The following KBTBD12 variants were observed in gnomAD, a reference collection of about 807,000 sequenced individuals.
The protein encoded by KBTBD12 is kelch repeat and BTB domain containing 12.
A neutral mutation model predicts 58.7 loss-of-function variants in KBTBD12; 53 were observed. That is an observed-to-expected ratio of 0.90 (90% CI 0.72 to 1.14). The LOEUF is 1.14. Among genes scored for constraint, KBTBD12 ranks in the 50% most tolerant of loss-of-function variants. The probability of loss-of-function intolerance (pLI) is 0.00; values close to 1 mark genes in which losing one functional copy is unlikely to be tolerated. For missense variants in KBTBD12, 704 were observed against 751.3 expected (o/e 0.94, Z 0.74); for synonymous variants, 236 against 259.8 (o/e 0.91, Z 0.88).
chr3:127,965,585 TTTAA>T (rs1231365136), intron 5 of KBTBD12, among the ~76,000 whole-genome samples: 2 of 152,256 alleles, frequency 1.3e-5, no homozygotes, highest in Non-Finnish European at 2.9e-5. Flanking sequence ...AGTAATCTCT[TTTAA>T]TATACTTAAT....
At chr3:127,961,861 G>A (rs1221744883) in intron 4 of KBTBD12, among the ~76,000 whole-genome samples, 1 of 152,088 alleles carries the variant, frequency 6.6e-6, no homozygotes, top group Non-Finnish European at 1.5e-5. Context: ...ATAGGCAAAG[G>A]GTATAAAATG....
At chr3:127,973,693 T>C (rs180968120) in intron 5 of KBTBD12, among the ~76,000 whole-genome samples, 71 of 152,184 alleles carry the variant, frequency 4.7e-4, no homozygotes, top group Admixed American at 1.4e-3. Context: ...TAAGGCAAAA[T>C]GCTAACTATT....
At position 127,923,518 on chromosome 3, in the gene KBTBD12, A is replaced by G. The variant is rs1344200343; in HGVS notation, c.457A>G (p.Lys153Glu). 1 of 1,611,858 alleles carries G rather than the reference A, an allele frequency of 6.2e-7. No individual in the cohort carries two copies. The highest frequency in any genetic ancestry group is 1.1e-5 in the South Asian group (1 of 90,888). ...IGAEDLSDRS[K>E]KYLYQHFAEV... The stretch of plus-strand genomic sequence containing the variant: ...AGCTGAAGATTTATCTGATCGATCA[A>G]AGAAATATTTATATCAGCACTTTGC... Residue 153 changes from lysine (K) to glutamate (E), a missense_variant, in exon 2 of 6, where the codon AAG (lysine) becomes GAG (glutamate). Coordinates refer to ENST00000405109, the MANE Select transcript of KBTBD12 (RefSeq NM_207335.4).
chr3:127,957,077 A>C (rs981371073), intron 4 of KBTBD12, among the ~76,000 whole-genome samples: 1 of 152,202 alleles, frequency 6.6e-6, no homozygotes, highest in Non-Finnish European at 1.5e-5. Flanking sequence ...AAAAACTGTC[A>C]TTTGGAGTAA....
At chr3:127,945,162 A>C (rs1291755117) in intron 4 of KBTBD12, among the ~76,000 whole-genome samples, 1 of 23,786 alleles carries the variant, frequency 4.2e-5, no homozygotes, top group Admixed American at 5.1e-4. Context: ...AATAGTAGCT[A>C]TCTTTTTTTT....
chr3:127,916,927 T>C (rs1209044311), intron 1 of KBTBD12, among the ~76,000 whole-genome samples: 1 of 152,176 alleles, frequency 6.6e-6, no homozygotes, highest in African/African-American at 2.4e-5. Context: ...AACAAGAGGA[T>C]AGCAACTTGA....
At chr3:127,932,937 T>C (rs1435211213) in intron 4 of KBTBD12, among the ~76,000 whole-genome samples, 1 of 152,148 alleles carries the variant, frequency 6.6e-6, no homozygotes, top group East Asian at 1.9e-4. Context: ...ATATCGAGAC[T>C]CATCCTCTGA....
In KBTBD12 at chr3:127,950,830, G is replaced by A. The variant is rs183414032; in HGVS notation, c.1493-12359G>A. On this transcript the variant is annotated intron_variant, in intron 4 of 5. Transcript: ENST00000405109. ...GTGGATCACCTGAGGTCAGGAGTTC[G>A]AGACCAGCCTGGCCAGCATGGTGAA... Among the ~76,000 whole-genome samples, 469 of 152,208 alleles carry A rather than the reference G, an allele frequency of 3.1e-3. 4 individuals are homozygous for A. Among genetic ancestry groups the A allele is most frequent in the African/African-American group, 0.011 (443 of 41,542 alleles).
chr3:127,916,613 A>G (rs1429685788), intron 1 of KBTBD12, among the ~76,000 whole-genome samples: 2 of 151,450 alleles, frequency 1.3e-5, no homozygotes, highest in Admixed American at 1.3e-4. Flanking sequence ...TTAAGGACTC[A>G]GTGTTGCCAT....
intron 4 of KBTBD12, among the ~76,000 whole-genome samples, chr3:127,950,184 A>G (rs979875109): frequency 6.6e-6 from 1 of 152,226 alleles, no homozygotes; most frequent in Non-Finnish European, 1.5e-5. Flanking sequence ...ATTACAAAAC[A>G]TGCCTTTGAG....
chr3:127,937,453 A>C (rs1939854759), intron 4 of KBTBD12, among the ~76,000 whole-genome samples: 1 of 152,176 alleles, frequency 6.6e-6, no homozygotes, highest in African/African-American at 2.4e-5. Context: ...AAAATTAGTG[A>C]GTAGAAGAAA....
chr3:127,974,355 C>T (rs1433477871), intron 5 of KBTBD12, among the ~76,000 whole-genome samples: 1 of 152,160 alleles, frequency 6.6e-6, no homozygotes, highest in Admixed American at 6.5e-5. Flanking sequence ...CTGTGTTCTT[C>T]CCAGGGGCCT....
chr3:127,942,891 A>C (rs2107599709), intron 4 of KBTBD12, among the ~76,000 whole-genome samples: 1 of 152,240 alleles, frequency 6.6e-6, no homozygotes, highest in Middle Eastern at 3.4e-3. Flanking sequence ...AAGGTCAAAG[A>C]GGAAGCTGAC....
intron 5 of KBTBD12, among the ~76,000 whole-genome samples, chr3:127,968,290 T>C (rs1040543718): frequency 1.1e-4 from 16 of 152,136 alleles, no homozygotes; most frequent in African/African-American, 3.9e-4. Flanking sequence ...GAGGCTTTGT[T>C]CTCCACCTCC....
chr3:127,947,622 A>C (rs2107602355), intron 4 of KBTBD12, among the ~76,000 whole-genome samples: 1 of 152,310 alleles, frequency 6.6e-6, no homozygotes, highest in South Asian at 2.1e-4. Flanking sequence ...TCTGACATTA[A>C]AAGTATTTGG....
chr3:127,941,897 G>A (rs1475385243), intron 4 of KBTBD12, among the ~76,000 whole-genome samples: 3 of 152,148 alleles, frequency 2.0e-5, no homozygotes, highest in African/African-American at 7.2e-5. Flanking sequence ...ATCATGCCCG[G>A]CCAATATCAT....
intron 1 of KBTBD12, among the ~76,000 whole-genome samples, chr3:127,917,494 A>C (rs995580611): frequency 6.6e-6 from 1 of 152,158 alleles, no homozygotes; most frequent in Admixed American, 6.5e-5. Flanking sequence ...TTACATAGGC[A>C]TGCTTGATTG....
rs1207286191 is a variant in KBTBD12 at position 127,959,705 on chromosome 3, A to G, written c.1493-3484A>G. ...CCTGTGGCAATACTTGTGAATAGGT[A>G]TACAACAAATGGGAGTTCCTCCTTA... On this transcript the variant is annotated intron_variant, in intron 4 of 5. Transcript: ENST00000405109. 3.3e-5 allele frequency among the ~76,000 whole-genome samples: 5 copies of G among 152,370 alleles called. 1 individual carries two copies. Among genetic ancestry groups the G allele is most frequent in the Admixed American group, 3.3e-4 (5 of 15,310 alleles).
chr3:127,944,677 T>G (rs1380195514), intron 4 of KBTBD12, among the ~76,000 whole-genome samples: 2 of 152,186 alleles, frequency 1.3e-5, no homozygotes, highest in African/African-American at 4.8e-5. Context: ...TTTTCTTGTC[T>G]ATTTGCTCTT....
Sources: gnomAD v4.1 joint callset for allele counts (sites outside exome capture counted in the v4.1 genomes callset) on GRCh38, gnomAD v4.1.1 for gene constraint, MANE v1.5 for transcripts, NCBI Gene and HGNC (gene_info 2026-07-23, HGNC 2026-07-21) for gene names.